REPS1: variants seen among roughly 807,000 people sequenced by gnomAD.
REPS1 encodes RALBP1 associated Eps domain containing 1.
REPS1 carries 39 observed loss-of-function variants against 100.9 expected under a neutral mutation model. The ratio of observed to expected loss-of-function variants is 0.39; its 90% CI spans 0.30 to 0.50. The LOEUF is 0.50. REPS1 is among the 20% of genes least tolerant of loss of function. The pLI, the probability that REPS1 is intolerant of heterozygous loss-of-function variation, is 0.86. For synonymous variants in REPS1, 324 were observed against 340.3 expected, an observed-to-expected ratio of 0.95 and a Z score of 0.53; for missense variants, 821 against 968.5, an observed-to-expected ratio of 0.85 and a Z score of 2.02.
intron 7 of REPS1, among the ~76,000 whole-genome samples, chr6:138,942,661 T>C (rs1782338997): frequency 6.6e-6 from 1 of 151,854 alleles, no homozygotes; most frequent in Non-Finnish European, 1.5e-5. Flanking sequence ...AGGCTGGTCT[T>C]GAACTCCTGG....
In REPS1 at chr6:138,918,005, T is replaced by C. The variant is rs370553217; in HGVS notation, c.1529-378A>G. On this transcript the variant is annotated intron_variant, in intron 12 of 19. Coordinates refer to ENST00000450536, the MANE Select transcript of REPS1 (RefSeq NM_001286611.2). ...GAAAATATTAGAAAATAAAGTAACA[T>C]TACAACAATAAAAATAACACAAATA... Among the ~76,000 whole-genome samples the C allele has an allele frequency of 5.3e-5, 8 of 152,216 alleles. No homozygotes were observed. The East Asian group carries it at 1.5e-3, about 29-fold the overall frequency.
At chr6:138,914,519 C>T (rs1780224077) in intron 15 of REPS1, among the ~76,000 whole-genome samples, 178 bp downstream of exon 15, 1 of 152,198 alleles carries the variant, frequency 6.6e-6, no homozygotes, top group Non-Finnish European at 1.5e-5. Context: ...AAAAATAACT[C>T]AGATCATTCT....
intron 1 of REPS1, among the ~76,000 whole-genome samples, chr6:138,979,768 C>T (rs1562570242): frequency 2.0e-5 from 3 of 152,152 alleles, no homozygotes; most frequent in Non-Finnish European, 4.4e-5. Context: ...CCAGTTTACC[C>T]AACTTAGAAA....
At chr6:138,941,547 T>C in intron 7 of REPS1, 58 bp from the exon 8 acceptor site, 6 of 1,487,056 alleles carry the variant, frequency 4.0e-6, no homozygotes, top group Non-Finnish European at 1.8e-6. Flanking sequence ...CTTTTATTTC[T>C]CAAAAAGAAG....
Position 138,979,194 on chromosome 6 carries a change from AAAAC to A in REPS1, c.153+8332_153+8335del, listed in dbSNP as rs1211253214. 8.0e-3 allele frequency among the ~76,000 whole-genome samples: 1,028 copies of A among 128,290 alleles called. 87 individuals carry two copies. Among genetic ancestry groups the A allele is most frequent in the East Asian group, 0.037 (129 of 3,492 alleles). 84.2% of individuals were successfully genotyped at this position (128,290 alleles called of 152,430 possible). On this transcript the variant is annotated intron_variant, in intron 1 of 19. Transcript: ENST00000450536. ...AGAATCCATCACAAAAAAAAAAAAA[AAAAC>A]AAAAAAAAAAAACTGAAGAAGTATC...
intron 2 of REPS1, among the ~76,000 whole-genome samples, chr6:138,946,810 T>C (rs1782641689): frequency 6.6e-6 from 1 of 152,216 alleles, no homozygotes. Flanking sequence ...AGAATTTCTA[T>C]CTTCTTTCAC....
intron 16 of REPS1, among the ~76,000 whole-genome samples, chr6:138,911,610 C>G (rs1173238485): frequency 6.8e-6 from 1 of 146,508 alleles, no homozygotes; most frequent in Non-Finnish European, 1.5e-5. Flanking sequence ...AGCTATGTAA[C>G]AGATGTGTGA....
chr6:138,932,046 G>C (rs1402442494), intron 8 of REPS1, among the ~76,000 whole-genome samples: 1 of 152,096 alleles, frequency 6.6e-6, no homozygotes, highest in African/African-American at 2.4e-5. Flanking sequence ...AGTCCTGGTT[G>C]GGTTTTCAAG....
At chr6:138,957,059 TAGA>T (rs1783437281) in intron 1 of REPS1, among the ~76,000 whole-genome samples, 1 of 151,960 alleles carries the variant, frequency 6.6e-6, no homozygotes, top group Admixed American at 6.6e-5. Context: ...AGAATTCATC[TAGA>T]AGGACCAAAT....
In REPS1 at chr6:138,915,663, G is replaced by C. The variant is rs1420897829; in HGVS notation, c.1720+195C>G. On this transcript the variant is annotated intron_variant, in intron 14 of 19. Transcript: ENST00000450536. ...AGATGGGGTTTCACCATGTTGGCCAGGCTGGTCTCGAACTCATAACCTCAA... is the reference window on the plus strand; with the variant it reads ...AGATGGGGTTTCACCATGTTGGCCACGCTGGTCTCGAACTCATAACCTCAA... 2.0e-5 allele frequency among the ~76,000 whole-genome samples: 3 copies of C among 152,024 alleles called. No individual in the cohort carries two copies. The East Asian group carries it at 5.8e-4, about 29-fold the overall frequency.
chr6:138,964,430 T>G (rs141247829), intron 1 of REPS1, among the ~76,000 whole-genome samples: 1 of 152,150 alleles, frequency 6.6e-6, no homozygotes, highest in Non-Finnish European at 1.5e-5. Context: ...AAATTCATCA[T>G]AGAAGAATTA....
intron 10 of REPS1, among the ~76,000 whole-genome samples, chr6:138,925,555 T>G (rs1781056513): frequency 6.6e-6 from 1 of 152,120 alleles, no homozygotes; most frequent in South Asian, 2.1e-4. Flanking sequence ...TCTCCATATC[T>G]TTCTACTCAG....
chr6:138,906,337 A>G (rs533718636), intron 19 of REPS1, among the ~76,000 whole-genome samples: 2 of 152,240 alleles, frequency 1.3e-5, no homozygotes, highest in Non-Finnish European at 2.9e-5. Context: ...TTCAACAGAC[A>G]TTAAAAAATG....
At chr6:138,971,814 A>G (rs1490511927) in intron 1 of REPS1, among the ~76,000 whole-genome samples, 1 of 152,002 alleles carries the variant, frequency 6.6e-6, no homozygotes, top group East Asian at 1.9e-4. Context: ...AAGCTTCACC[A>G]CCCCCACTTT....
chr6:138,912,101 A>G, intron 16 of REPS1, among the ~76,000 whole-genome samples: 1 of 152,168 alleles, frequency 6.6e-6, no homozygotes, highest in South Asian at 2.1e-4. Context: ...AGCTAGTAGG[A>G]AATTTTCCAT....
In REPS1 at chr6:138,987,955, T is replaced by C. The variant is rs941446972; in HGVS notation, c.-273A>G. 5.4e-6 allele frequency: 2 copies of C among 373,126 alleles called. No individual in the cohort carries two copies. Among genetic ancestry groups the C allele is most frequent in the Middle Eastern group, 6.8e-4 (1 of 1,460 alleles). The allele number at this position is 373,126 out of a possible 1,614,324, so 23.1% of individuals were successfully genotyped here. A position where few individuals can be genotyped will look rare whatever the true frequency, so the allele number is the denominator to read the frequency against. On this transcript the variant is annotated 5_prime_UTR_variant, in exon 1 of 20. Transcript: ENST00000450536. ...CTACGGCTCCGGCTCCGGCTCCGGC[T>C]CCGGCCGCGGGGAGGGTGCAGAGAA... is the stretch of plus-strand genomic sequence containing the variant.
chr6:138,947,978 C>A, intron 1 of REPS1, 65 bp from the exon 2 acceptor site: 1 of 1,444,530 alleles, frequency 6.9e-7, no homozygotes, highest in Non-Finnish European at 9.3e-7. Context: ...AAATAAGCAG[C>A]TACCCAACTT....
chr6:138,935,961 G>A (rs1229581870), intron 8 of REPS1, among the ~76,000 whole-genome samples: 2 of 151,180 alleles, frequency 1.3e-5, no homozygotes, highest in Non-Finnish European at 2.9e-5. Flanking sequence ...TTGAGTCAGT[G>A]AACATTTACT....
At chr6:138,938,956 T>C (rs1782048559) in intron 8 of REPS1, among the ~76,000 whole-genome samples, 1 of 151,894 alleles carries the variant, frequency 6.6e-6, no homozygotes, top group African/African-American at 2.4e-5. Context: ...CAAGCAATTC[T>C]CCTGCCTCAG....
Sources: gnomAD v4.1 joint callset for allele counts (sites outside exome capture counted in the v4.1 genomes callset) on GRCh38, gnomAD v4.1.1 for gene constraint, MANE v1.5 for transcripts, NCBI Gene and HGNC (gene_info 2026-07-23, HGNC 2026-07-21) for gene names.